ALPK2: variants seen among roughly 807,000 people sequenced by gnomAD.
ALPK2 encodes the protein alpha-protein kinase 2.
Under a neutral mutation model 163.1 loss-of-function variants are expected in ALPK2, and 127 were observed. That is an observed-to-expected ratio of 0.78 (90% CI 0.67 to 0.90). The LOEUF (loss-of-function observed/expected upper bound fraction) is 0.90, where lower values mean the gene tolerates loss of function less well. Among genes scored for constraint, ALPK2 ranks in the 40% least tolerant of loss-of-function variants. The pLI, the probability that ALPK2 is intolerant of heterozygous loss-of-function variation, is 0.00. For missense variants in ALPK2, 2,360 were observed against 2,589.6 expected, an observed-to-expected ratio of 0.91 and a Z score of 1.92; for synonymous variants, 953 against 959.1, an observed-to-expected ratio of 0.99 and a Z score of 0.12.
Position 58,536,979 on chromosome 18 carries a change from T to C in ALPK2, c.3208A>G (p.Lys1070Glu), listed in dbSNP as rs1833922532. ...ILSGATIKST[K>E]ELLCRAPSVP... ...CTGGGTGCCCTGCAAAGTAGCTCTT[T>C]TGTAGATTTGATGGTAGCACCACTT... Residue 1070 changes from lysine (K) to glutamate (E), a missense_variant, in exon 5 of 13, where the codon AAA (lysine) becomes GAA (glutamate). Physicochemically the swap from Lys to Glu is moderately conservative, Grantham distance 56. Transcript: ENST00000361673. The C allele has an allele frequency of 6.2e-7, 1 of 1,614,116 alleles. No individual in the cohort carries two copies. Among genetic ancestry groups the C allele is most frequent in the Middle Eastern group, 1.6e-4 (1 of 6,062 alleles).
chr18:58,583,771 C>T (rs935346900), intron 3 of ALPK2, among the ~76,000 whole-genome samples: 6 of 150,072 alleles, frequency 4.0e-5, no homozygotes, highest in South Asian at 4.2e-4. Flanking sequence ...AAGAAAAAGG[C>T]GGGGGGGCTG....
At chr18:58,486,965 C>T (rs181385499) in intron 12 of ALPK2, among the ~76,000 whole-genome samples, 15 of 152,212 alleles carry the variant, frequency 9.9e-5, no homozygotes, top group Admixed American at 3.9e-4. Context: ...ACCTTACATG[C>T]GACATGTGCC....
At chr18:58,522,136 T>G (rs1476392152) in intron 8 of ALPK2, among the ~76,000 whole-genome samples, 2 of 152,190 alleles carry the variant, frequency 1.3e-5, no homozygotes, top group East Asian at 3.8e-4. Flanking sequence ...TGACCGTGGA[T>G]CCTCCCCTGT....
chr18:58,575,534 T>C (rs984180309), intron 4 of ALPK2, among the ~76,000 whole-genome samples: 2 of 152,198 alleles, frequency 1.3e-5, no homozygotes, highest in Non-Finnish European at 2.9e-5. Flanking sequence ...TGGGCAGCTG[T>C]GCAGGAGCAC....
chr18:58,481,784 T>A lies in ALPK2; in HGVS notation c.*39A>T. The A allele has an allele frequency of 6.6e-7, 1 of 1,525,392 alleles. No individual in the cohort carries two copies. The highest frequency in any genetic ancestry group is 9.1e-7 in the Non-Finnish European group (1 of 1,101,616). The allele number at this position is 1,525,392 out of a possible 1,614,324, so 94.5% of individuals were successfully genotyped here. A position where few individuals can be genotyped will look rare whatever the true frequency, so the allele number is the denominator to read the frequency against. ...CCTCAGATTTTCCCTGGCGAGATTG[T>A]GTGCTGCTAGCCAGTGGCCATTAGG... On this transcript the variant is annotated 3_prime_UTR_variant, in exon 13 of 13. Coordinates refer to ENST00000361673, the MANE Select transcript of ALPK2 (RefSeq NM_052947.4).
intron 4 of ALPK2, among the ~76,000 whole-genome samples, chr18:58,564,927 G>A (rs75158393): frequency 0.021 from 3,143 of 152,172 alleles, 76 homozygotes; most frequent in African/African-American, 0.05. Context: ...CAAATGTTAG[G>A]TTCCTTGCTT....
At chr18:58,567,443 T>C (rs1443793095) in intron 4 of ALPK2, among the ~76,000 whole-genome samples, 7 of 152,086 alleles carry the variant, frequency 4.6e-5, no homozygotes, top group African/African-American at 1.7e-4. Context: ...CCTATGTTGT[T>C]TTTTTAAACA....
rs1346275164 is a variant in ALPK2 at position 58,537,860 on chromosome 18, A to C, written c.2327T>G (p.Val776Gly). ...ADFREPVAVS[V>G]ASPEPTDTAL... The stretch of plus-strand genomic sequence containing the variant: ...AGTATCTGTGGGTTCAGGGGAAGCA[A>C]CAGAGACAGCCACAGGCTCCCTGAA... The change falls in exon 5 of 13, where the codon GTT (valine) becomes GGT (glycine). Residue 776 changes from valine (V) to glycine (G), a missense_variant. Val to Gly is a moderately radical substitution (Grantham distance 109). Transcript: ENST00000361673. The C allele has an allele frequency of 6.2e-7, 1 of 1,614,160 alleles. No individual in the cohort carries two copies. The highest frequency in any genetic ancestry group is 2.2e-5 in the East Asian group (1 of 44,876).
chr18:58,600,630 G>T (rs2052064679), intron 3 of ALPK2: 1 of 152,210 alleles, frequency 6.6e-6, no homozygotes, highest in Non-Finnish European at 1.5e-5. Flanking sequence ...AAGTCACAGA[G>T]TCCACATTCT....
At chr18:58,526,078 A>G (rs1380827826) in intron 6 of ALPK2, among the ~76,000 whole-genome samples, 1 of 152,052 alleles carries the variant, frequency 6.6e-6, no homozygotes. Context: ...GTAACAAGTG[A>G]TCTTGTGCCT....
In ALPK2 at chr18:58,535,830, G is replaced by C. The variant is rs1379096280; in HGVS notation, c.4357C>G (p.Gln1453Glu). ...ATGGTTCCCTGGAGACATGGAACTTGCAAAATGGCCGGCTGGATTTCCGCT... is the reference window on the plus strand; with the variant it reads ...ATGGTTCCCTGGAGACATGGAACTTCCAAAATGGCCGGCTGGATTTCCGCT... ...HEAEIQPAIL[Q>E]VPCLQGTILS... Residue 1453 changes from glutamine to glutamate, a missense_variant, in exon 5 of 13, where the codon CAA becomes GAA. Gln to Glu is a conservative substitution (Grantham distance 29, BLOSUM62 2). Coordinates refer to ENST00000361673, the MANE Select transcript of ALPK2 (RefSeq NM_052947.4). The C allele has an allele frequency of 6.2e-7, 1 of 1,614,224 alleles. No homozygotes were observed. The highest frequency in any genetic ancestry group is 1.1e-5 in the South Asian group (1 of 91,082).
chr18:58,511,001 AG>A (rs1384078191), intron 10 of ALPK2, among the ~76,000 whole-genome samples: 6 of 152,210 alleles, frequency 3.9e-5, no homozygotes, highest in Non-Finnish European at 7.3e-5. Flanking sequence ...TTGCCCATTC[AG>A]TATGATATTG....
At chr18:58,553,470 A>G (rs902171194) in intron 4 of ALPK2, among the ~76,000 whole-genome samples, 3 of 152,168 alleles carry the variant, frequency 2.0e-5, no homozygotes, top group African/African-American at 7.2e-5. Flanking sequence ...TGATACACCA[A>G]GTAAGTGCTT....
At chr18:58,594,605 C>T (rs1164372406) in intron 3 of ALPK2, among the ~76,000 whole-genome samples, 1 of 152,170 alleles carries the variant, frequency 6.6e-6, no homozygotes, top group Non-Finnish European at 1.5e-5. Context: ...CCACAGAGGC[C>T]CAGAGCTCTG....
intron 4 of ALPK2, chr18:58,544,438 C>T (rs2051707070): frequency 6.6e-6 from 1 of 152,166 alleles, no homozygotes; most frequent in Non-Finnish European, 1.5e-5. Flanking sequence ...AAGTGCATGA[C>T]ACTAATTTGA....
intron 3 of ALPK2, among the ~76,000 whole-genome samples, chr18:58,587,512 A>G (rs1175354570): frequency 6.6e-6 from 1 of 152,250 alleles, no homozygotes; most frequent in Non-Finnish European, 1.5e-5. Context: ...GAGCTGAAAA[A>G]AAGTATGAGA....
chr18:58,489,668 C>G (rs1423273326), intron 12 of ALPK2, among the ~76,000 whole-genome samples: 1 of 151,930 alleles, frequency 6.6e-6, no homozygotes, highest in Non-Finnish European at 1.5e-5. Context: ...GCCTGGACAA[C>G]AGAGAAAGGC....
intron 4 of ALPK2, among the ~76,000 whole-genome samples, chr18:58,571,975 C>CA (rs35927788): frequency 4.7e-3 from 310 of 66,462 alleles, no homozygotes; most frequent in Non-Finnish European, 6.3e-3. Context: ...GACTCCATCT[C>CA]AAAAAAAAAA....
chr18:58,535,814 T>G lies in ALPK2; in HGVS notation c.4373A>C (p.Gln1458Pro), dbSNP rs952883819. ...TCTATTTTCACTCAGAATGGTTCCC[T>G]GGAGACATGGAACTTGCAAAATGGC... ...QPAILQVPCLQGTILSENRIS... is the reference protein window; with the variant it reads ...QPAILQVPCLPGTILSENRIS... Residue 1458 changes from glutamine (Q) to proline (P), a missense_variant, in exon 5 of 13, where the codon CAG becomes CCG. By Grantham distance (76) the Gln-to-Pro change is moderately conservative (BLOSUM62 -1). Coordinates refer to ENST00000361673, the MANE Select transcript of ALPK2 (RefSeq NM_052947.4). 1 of 1,614,250 alleles carries G rather than the reference T, an allele frequency of 6.2e-7. No individual in the cohort carries two copies. Among genetic ancestry groups the G allele is most frequent in the Admixed American group, 1.7e-5 (1 of 60,030 alleles).
Sources: gnomAD v4.1 joint callset for allele counts (sites outside exome capture counted in the v4.1 genomes callset) on GRCh38, gnomAD v4.1.1 for gene constraint, MANE v1.5 for transcripts, NCBI Gene and HGNC (gene_info 2026-07-23, HGNC 2026-07-21) for gene names.